ZNF566: variants seen among roughly 807,000 people sequenced by gnomAD.
ZNF566 encodes the protein zinc finger protein 566.
A neutral mutation model predicts 32.8 loss-of-function variants in ZNF566; 27 were observed. The observed-to-expected ratio is 0.82, with a 90% CI of 0.61 to 1.14. ZNF566 has a LOEUF of 1.14. Ranked by LOEUF, ZNF566 falls within the 50% of genes most tolerant of loss-of-function variation. The pLI is 0.00. For missense variants in ZNF566, 402 were observed against 490.4 expected (o/e 0.82, Z 1.70); for synonymous variants, 154 against 159.5 (o/e 0.97, Z 0.26).
At position 36,449,855 on chromosome 19, in the gene ZNF566, G is replaced by T; in HGVS notation, c.379C>A (p.Gln127Lys). Residue 127 changes from glutamine (Q) to lysine (K), a missense_variant, in exon 5 of 5, where the codon CAG becomes AAG. Transcript: ENST00000452939. Reference sequence around the variant, plus strand: ...TGAGAGCCGAGTTCTTTCTTAAACTGCCGATTACATTCCCAATCATCTCTG... The same window carrying T: ...TGAGAGCCGAGTTCTTTCTTAAACTTCCGATTACATTCCCAATCATCTCTG... ...SFRDDWECNR[Q>K]FKKELGSQGG... 2 of 1,614,118 alleles carry T rather than the reference G, an allele frequency of 1.2e-6. No individual in the cohort carries two copies. The highest frequency in any genetic ancestry group is 4.5e-5 in the East Asian group (2 of 44,878).
At chr19:36,453,436 G>C (rs914205274) in intron 4 of ZNF566, among the ~76,000 whole-genome samples, 2 of 150,748 alleles carry the variant, frequency 1.3e-5, no homozygotes, top group East Asian at 3.9e-4. Flanking sequence ...TCGCGCCACT[G>C]CACTCCAGCC....
At chr19:36,473,859 G>A (rs2145688152) in intron 2 of ZNF566, among the ~76,000 whole-genome samples, 1 of 152,132 alleles carries the variant, frequency 6.6e-6, no homozygotes, top group African/African-American at 2.4e-5. Flanking sequence ...TCAGAATAAG[G>A]GATAAAGACA....
intron 1 of ZNF566, among the ~76,000 whole-genome samples, chr19:36,486,187 A>G (rs936191831): frequency 6.6e-6 from 1 of 152,274 alleles, no homozygotes; most frequent in Non-Finnish European, 1.5e-5. Flanking sequence ...AAGGAGACTA[A>G]TGAAACAATA....
intron 1 of ZNF566, among the ~76,000 whole-genome samples, chr19:36,481,208 T>C (rs934344158): frequency 1.3e-5 from 2 of 151,920 alleles, no homozygotes; most frequent in African/African-American, 4.8e-5. Context: ...CAGGGGCTCA[T>C]ACCTGTAATC....
At chr19:36,453,613 T>C (rs769087065) in intron 4 of ZNF566, among the ~76,000 whole-genome samples, 1 of 151,420 alleles carries the variant, frequency 6.6e-6, no homozygotes, top group Non-Finnish European at 1.5e-5. Flanking sequence ...AATAATGTAA[T>C]GTGGGTGGAG....
chr19:36,476,714 G>C (rs1352312520), intron 1 of ZNF566, 98 bp from the exon 2 acceptor site: 3 of 1,004,446 alleles, frequency 3.0e-6, no homozygotes, highest in Non-Finnish European at 4.3e-6. Flanking sequence ...AGAAATGCTT[G>C]TGGGGTATCA....
At position 36,445,694 on chromosome 19, in the gene ZNF566, C is replaced by T. The variant is rs2032976960; in HGVS notation, c.*3283G>A. 1 of 152,174 alleles carries T rather than the reference C, an allele frequency of 6.6e-6. No homozygotes were observed. Among genetic ancestry groups the T allele is most frequent in the Non-Finnish European group, 1.5e-5 (1 of 68,062 alleles). 9.4% of individuals were successfully genotyped at this position (152,174 alleles called of 1,614,324 possible). ...ATTTTCCAGGCGTAGTGGCATATACCTGTAACCCCAGCTACTTGGGAGGCT... is the reference window on the plus strand; with the variant it reads ...ATTTTCCAGGCGTAGTGGCATATACTTGTAACCCCAGCTACTTGGGAGGCT... On this transcript the variant is annotated 3_prime_UTR_variant, in exon 5 of 5. Transcript: ENST00000452939.
At chr19:36,477,031 GAC>G (rs755840854) in intron 1 of ZNF566, among the ~76,000 whole-genome samples, 138 of 151,446 alleles carry the variant, frequency 9.1e-4, no homozygotes, top group Admixed American at 1.9e-3. Context: ...TTCTTTTTGA[GAC>G]AGAGTCTCAC....
At chr19:36,470,883 C>T (rs1190475524) in intron 4 of ZNF566, among the ~76,000 whole-genome samples, 6 of 146,088 alleles carry the variant, frequency 4.1e-5, no homozygotes, top group East Asian at 2.1e-4. Flanking sequence ...GCACTCCAGC[C>T]TGGGTGACAG....
chr19:36,477,142 C>T (rs2033907283), intron 1 of ZNF566, among the ~76,000 whole-genome samples: 1 of 152,072 alleles, frequency 6.6e-6, no homozygotes, highest in Non-Finnish European at 1.5e-5. Flanking sequence ...TCCCAAGTAG[C>T]TGGGACTACA....
At chr19:36,477,782 G>T (rs1316041510) in intron 1 of ZNF566, among the ~76,000 whole-genome samples, 1 of 151,712 alleles carries the variant, frequency 6.6e-6, no homozygotes, top group East Asian at 1.9e-4. Flanking sequence ...CCAAAGTGCT[G>T]GGATTATAAG....
intron 4 of ZNF566, among the ~76,000 whole-genome samples, chr19:36,457,015 A>C (rs142856573): frequency 5.4e-4 from 83 of 152,338 alleles, no homozygotes; most frequent in African/African-American, 1.9e-3. Context: ...AAGCTGCAGT[A>C]ATCAAAACAG....
chr19:36,449,041 C>CA lies in ZNF566; in HGVS notation c.1192_1193insT (p.Arg398MetfsTer8). The CA allele has an allele frequency of 6.2e-7, 1 of 1,610,818 alleles. No homozygotes were observed. Among genetic ancestry groups the CA allele is most frequent in the Non-Finnish European group, 8.5e-7 (1 of 1,179,042 alleles). ...ATAATTAAAGTTCTTTCCACATTCC[C>CA]TATATTCATAGGGTTTCTCACTAGT... is the stretch of plus-strand genomic sequence containing the variant. On this transcript the variant is annotated frameshift_variant, in exon 5 of 5. Transcript: ENST00000452939. LOFTEE classifies it high-confidence loss of function.
intron 4 of ZNF566, chr19:36,456,314 T>C (rs1248645909): frequency 3.3e-5 from 5 of 149,754 alleles, no homozygotes; most frequent in East Asian, 2.0e-4. Context: ...GGCAGGTGGA[T>C]TGCCTGAGCT....
At chr19:36,482,066 T>C (rs1375348725) in intron 1 of ZNF566, among the ~76,000 whole-genome samples, 1 of 152,188 alleles carries the variant, frequency 6.6e-6, no homozygotes, top group Non-Finnish European at 1.5e-5. Context: ...TGAAGTTGAA[T>C]ATATACAAGG....
intron 4 of ZNF566, among the ~76,000 whole-genome samples, chr19:36,450,300 A>G (rs552928573): frequency 9.9e-5 from 15 of 152,220 alleles, no homozygotes; most frequent in Middle Eastern, 3.4e-3. Context: ...AAAATATCTC[A>G]TTGCATATAT....
intron 4 of ZNF566, among the ~76,000 whole-genome samples, chr19:36,463,216 T>C (rs542370443): frequency 3.3e-5 from 5 of 151,648 alleles, no homozygotes; most frequent in East Asian, 3.9e-4. Flanking sequence ...GGTAGGAGGA[T>C]TGCTTGAGCC....
In ZNF566 at chr19:36,448,859, T is replaced by C; in HGVS notation, c.*118A>G. ...ATTATTTTTCCCAGGCTGAATAAGC[T>C]GTAGTCCACAAATAAAATGTTTCTA... On this transcript the variant is annotated 3_prime_UTR_variant, in exon 5 of 5. Coordinates refer to ENST00000452939, the MANE Select transcript of ZNF566 (RefSeq NM_001145344.1). The C allele has an allele frequency of 2.3e-6, 2 of 856,678 alleles. No homozygotes were observed. The highest frequency in any genetic ancestry group is 6.5e-5 in the Admixed American group (2 of 30,862). 53.1% of individuals were successfully genotyped at this position (856,678 alleles called of 1,614,324 possible).
chr19:36,462,114 G>A (rs576355919), intron 4 of ZNF566, among the ~76,000 whole-genome samples: 3 of 151,056 alleles, frequency 2.0e-5, no homozygotes, highest in Non-Finnish European at 2.9e-5. Context: ...TCAGCCTCCC[G>A]AGTAGCTGGG....
Sources: gnomAD v4.1 joint callset for allele counts (sites outside exome capture counted in the v4.1 genomes callset) on GRCh38, gnomAD v4.1.1 for gene constraint, MANE v1.5 for transcripts, NCBI Gene and HGNC (gene_info 2026-07-23, HGNC 2026-07-21) for gene names.